LRRC8B: variants seen among roughly 807,000 people sequenced by gnomAD.
LRRC8B encodes the protein volume-regulated anion channel subunit LRRC8B.
A neutral mutation model predicts 58.8 loss-of-function variants in LRRC8B; 23 were observed. That is an observed-to-expected ratio of 0.39 (90% CI 0.28 to 0.55). The LOEUF is 0.55. Ranked by LOEUF, LRRC8B falls within the 20% of genes least tolerant of loss-of-function variation. The pLI is 0.62. For synonymous variants in LRRC8B, 359 were observed against 374.1 expected (o/e 0.96, Z 0.47); for missense variants, 694 against 936.0 (o/e 0.74, Z 3.37).
chr1:89,550,971 T>C (rs1273925825), intron 1 of LRRC8B, among the ~76,000 whole-genome samples: 2 of 152,172 alleles, frequency 1.3e-5, no homozygotes, highest in African/African-American at 4.8e-5. Flanking sequence ...ATTGTTCTCT[T>C]TTGTAAGTCA....
At chr1:89,538,242 A>G (rs1241934434) in intron 1 of LRRC8B, among the ~76,000 whole-genome samples, 1 of 152,240 alleles carries the variant, frequency 6.6e-6, no homozygotes, top group Non-Finnish European at 1.5e-5. Context: ...ATTATGAGCA[A>G]GGAGAACTCT....
At chr1:89,545,092 T>G (rs1651297675) in intron 1 of LRRC8B, among the ~76,000 whole-genome samples, 2 of 152,246 alleles carry the variant, frequency 1.3e-5, no homozygotes, top group Non-Finnish European at 2.9e-5. Context: ...AGATACTAGG[T>G]ATGCTGTTAC....
intron 1 of LRRC8B, among the ~76,000 whole-genome samples, chr1:89,548,722 G>C (rs77804535): frequency 6.6e-6 from 1 of 152,100 alleles, no homozygotes; most frequent in Non-Finnish European, 1.5e-5. Flanking sequence ...GTGTGTGTAG[G>C]AGAAAGATCA....
At chr1:89,568,083 T>G (rs982070094) in intron 1 of LRRC8B, among the ~76,000 whole-genome samples, 164 bp from the exon 2 acceptor site, 5 of 152,182 alleles carry the variant, frequency 3.3e-5, no homozygotes, top group Non-Finnish European at 1.5e-5. Context: ...ATAGATACTT[T>G]CAGTTTGTTT....
chr1:89,586,924 G>T (rs1270918946), intron 5 of LRRC8B, among the ~76,000 whole-genome samples: 1 of 152,134 alleles, frequency 6.6e-6, no homozygotes, highest in Non-Finnish European at 1.5e-5. Flanking sequence ...AACTCTGATG[G>T]AATACTTTAG....
chr1:89,525,511 GA>G (rs1182050795), intron 1 of LRRC8B, among the ~76,000 whole-genome samples: 1 of 152,208 alleles, frequency 6.6e-6, no homozygotes, highest in Non-Finnish European at 1.5e-5. Flanking sequence ...ATGCTCTTGG[GA>G]ACTATTTTAT....
In LRRC8B at chr1:89,583,009, T is replaced by C; in HGVS notation, c.359T>C (p.Phe120Ser). Residue 120 changes from phenylalanine (F) to serine (S), a missense_variant, in exon 5 of 6, where the codon TTT becomes TCT. Physicochemically the swap from Phe to Ser is radical, Grantham distance 155. Coordinates refer to ENST00000330947, the MANE Select transcript of LRRC8B (RefSeq NM_001369817.2). The surrounding 1 kb of genome is among the most constrained non-coding windows in gnomAD (Gnocchi z 5.2). ...AAACAGCTCCATTGGTTTGCAAAGT[T>C]TTTCCCCTATCTGGTGCTCTTGCAC... is the stretch of plus-strand genomic sequence containing the variant. ...YEKQLHWFAK[F>S]FPYLVLLHTL... The C allele has an allele frequency of 6.2e-7, 1 of 1,614,134 alleles. No homozygotes were observed. The highest frequency in any genetic ancestry group is 2.2e-5 in the East Asian group (1 of 44,884).
intron 1 of LRRC8B, among the ~76,000 whole-genome samples, chr1:89,554,148 C>T (rs1375898337): frequency 1.3e-5 from 2 of 152,158 alleles, no homozygotes; most frequent in African/African-American, 4.8e-5. Context: ...CACCTTTCTA[C>T]TCTTAGCCCC....
chr1:89,573,305 A>AT (rs1653603140), intron 3 of LRRC8B, among the ~76,000 whole-genome samples: 1 of 151,872 alleles, frequency 6.6e-6, no homozygotes, highest in Admixed American at 6.6e-5. Context: ...TCTCAAAAAA[A>AT]GAAAAAAAAA....
chr1:89,548,823 A>T (rs749365995), intron 1 of LRRC8B, among the ~76,000 whole-genome samples: 2 of 152,176 alleles, frequency 1.3e-5, no homozygotes, highest in Non-Finnish European at 2.9e-5. Context: ...AGTTTTTCCC[A>T]TGTTAATTCC....
chr1:89,535,113 G>C (rs1324867246), intron 1 of LRRC8B, among the ~76,000 whole-genome samples: 1 of 152,130 alleles, frequency 6.6e-6, no homozygotes, highest in Non-Finnish European at 1.5e-5. Flanking sequence ...TGGCTGGAAA[G>C]AGCCAGCAGA....
chr1:89,575,613 T>G (rs1653782843), intron 3 of LRRC8B, among the ~76,000 whole-genome samples: 1 of 152,254 alleles, frequency 6.6e-6, no homozygotes, highest in Non-Finnish European at 1.5e-5. Context: ...CTATTGTTGC[T>G]GAGTTCTTGC....
chr1:89,556,189 T>C (rs568710665), intron 1 of LRRC8B, among the ~76,000 whole-genome samples: 5 of 152,230 alleles, frequency 3.3e-5, no homozygotes, highest in Admixed American at 1.3e-4. Context: ...TAAAAACCCC[T>C]AAACAATGGA....
At chr1:89,570,349 G>A (rs1653372139) in intron 3 of LRRC8B, among the ~76,000 whole-genome samples, 1 of 152,156 alleles carries the variant, frequency 6.6e-6, no homozygotes, top group African/African-American at 2.4e-5. Context: ...CAGTGTATAA[G>A]CATTCCTTTT....
intron 5 of LRRC8B, among the ~76,000 whole-genome samples, chr1:89,585,217 T>C (rs996762930): frequency 6.6e-6 from 1 of 152,228 alleles, no homozygotes; most frequent in African/African-American, 2.4e-5. Context: ...TCTAAAATGC[T>C]GGGATTATGA....
At position 89,583,641 on chromosome 1, in the gene LRRC8B, T is replaced by C; in HGVS notation, c.991T>C (p.Ser331Pro). 1 of 1,613,428 alleles carries C rather than the reference T, an allele frequency of 6.2e-7. No individual in the cohort carries two copies. The highest frequency in any genetic ancestry group is 8.5e-7 in the Non-Finnish European group (1 of 1,180,036). ...GGTTATACTTTATGGTCTGACCTCT[T>C]CCTACAGCCTGTGGTGGATGCTGAG... ...ILVILYGLTS[S>P]YSLWWMLRSS... The change falls in exon 5 of 6, where the codon TCC (serine) becomes CCC (proline). Residue 331 changes from serine to proline, a missense_variant. This residue lies in a region of LRRC8B where 316 missense variants were observed against 403.8 expected (regional missense o/e 0.78). Transcript: ENST00000330947. This position sits in a 1 kb window ranked among gnomAD's most constrained non-coding sequence, Gnocchi z 5.2.
chr1:89,556,517 A>G (rs757924350), intron 1 of LRRC8B, among the ~76,000 whole-genome samples: 2 of 152,046 alleles, frequency 1.3e-5, no homozygotes, highest in Admixed American at 1.3e-4. Context: ...TTTGAAGCAG[A>G]GGCAGTCTTG....
chr1:89,543,996 A>G (rs141846695), intron 1 of LRRC8B, among the ~76,000 whole-genome samples: 152 of 151,862 alleles, frequency 1.0e-3, no homozygotes, highest in African/African-American at 3.6e-3. Flanking sequence ...AAGTCTTGCT[A>G]TGTTGCCCAG....
chr1:89,534,890 C>T (rs925865521), intron 1 of LRRC8B, among the ~76,000 whole-genome samples: 5 of 151,776 alleles, frequency 3.3e-5, no homozygotes, highest in Non-Finnish European at 7.4e-5. Flanking sequence ...AAACTTTACT[C>T]TGACTCCCAA....
Sources: allele counts gnomAD v4.1 joint callset (sites outside exome capture counted in the v4.1 genomes callset), GRCh38; gene constraint gnomAD v4.1.1; regional missense constraint gnomAD v4.1.1; non-coding constraint Gnocchi (gnomAD v3.1); transcripts MANE v1.5; gene names NCBI Gene and HGNC (gene_info 2026-07-23, HGNC 2026-07-21).